The following HLA-DRB1 variants were observed in gnomAD, a reference collection of about 807,000 sequenced individuals.
HLA-DRB1 encodes the protein major histocompatibility complex, class II, DR beta 1 precursor.
A neutral mutation model predicts 27.9 loss-of-function variants in HLA-DRB1; 10 were observed. The ratio of observed to expected loss-of-function variants is 0.36; its 90% confidence interval spans 0.22 to 0.61. The LOEUF (loss-of-function observed/expected upper bound fraction) is 0.61, where lower values mean the gene tolerates loss of function less well. HLA-DRB1 is among the 20% of genes least tolerant of loss of function. The pLI is 0.73. For synonymous variants in HLA-DRB1, 57 were observed against 126.7 expected (o/e 0.45, Z 3.69); for missense variants, 118 against 306.3 (o/e 0.39, Z 4.59).
At chr6:32,582,204 T>C (rs6457603) in intron 2 of HLA-DRB1, among the ~76,000 whole-genome samples, 7,714 of 113,568 alleles carry the variant, frequency 0.068, no homozygotes, top group East Asian at 0.096. Context: ...AAGAGTTTTT[T>C]GATTCTTCTG....
Position 32,581,902 on chromosome 6 carries a change from G to GTTT in HLA-DRB1, c.371-65_371-64insAAA, listed in dbSNP as rs1310192199. 3,405 of 810,612 alleles carry GTTT rather than the reference G, an allele frequency of 4.2e-3. 2 individuals are homozygous for GTTT. Among genetic ancestry groups the GTTT allele is most frequent in the Admixed American group, 7.9e-3 (273 of 34,718 alleles). 50.2% of individuals were successfully genotyped at this position (810,612 alleles called of 1,614,324 possible). On this transcript the variant is annotated intron_variant, in intron 2 of 5. Transcript: ENST00000360004. ...ACAGAGTAAGTCTCCTGGTTTGGCTGTGTGTCTGCTTCTCTGCAAACCCAG... is the reference window on the plus strand; with the variant it reads ...ACAGAGTAAGTCTCCTGGTTTGGCTGTTTTGTGTCTGCTTCTCTGCAAACCCAG...
chr6:32,583,455 T>C (rs34241177), intron 2 of HLA-DRB1, among the ~76,000 whole-genome samples: 79 of 45,978 alleles, frequency 1.7e-3, no homozygotes, highest in Admixed American at 2.9e-3. Context: ...TTCACAGTCA[T>C]TTCTACTATG....
At chr6:32,585,251 C>A (rs1347321717) in intron 1 of HLA-DRB1, among the ~76,000 whole-genome samples, 189 of 77,768 alleles carry the variant, frequency 2.4e-3, no homozygotes, top group East Asian at 7.9e-3. Context: ...AAGAAACAGC[C>A]TGGTACATAT....
chr6:32,584,607 A>C (rs1233857998), intron 1 of HLA-DRB1, among the ~76,000 whole-genome samples: 6 of 115,382 alleles, frequency 5.2e-5, no homozygotes, highest in Admixed American at 8.7e-5. Flanking sequence ...GGCTTTTGGG[A>C]CCCCCTCCCT....
intron 1 of HLA-DRB1, among the ~76,000 whole-genome samples, chr6:32,587,154 G>A (rs34032291): frequency 3.9e-5 from 2 of 51,140 alleles, no homozygotes; most frequent in African/African-American, 7.8e-5. Context: ...AGGCCAAGGC[G>A]GGCGGATCAC....
At chr6:32,586,609 G>T (rs9270090) in intron 1 of HLA-DRB1, among the ~76,000 whole-genome samples, 13,206 of 35,088 alleles carry the variant, frequency 0.38, 4,857 homozygotes, top group Admixed American at 0.5. Flanking sequence ...CCTCTTCCAC[G>T]CCCTGGAATT....
At chr6:32,580,890 T>TTAAATGGAA (rs2150758506) in intron 3 of HLA-DRB1, 34 bp from the exon 4 acceptor site, 11 of 1,364,446 alleles carry the variant, frequency 8.1e-6, no homozygotes, top group Non-Finnish European at 1.1e-5. Context: ...TGATGTTTAT[T>TTAAATGGAA]CCAAATTGAA....
intron 2 of HLA-DRB1, among the ~76,000 whole-genome samples, chr6:32,582,449 G>A (rs9269843): frequency 3.3e-4 from 36 of 110,564 alleles, no homozygotes; most frequent in African/African-American, 5.1e-4. Flanking sequence ...ATGATTTAAA[G>A]CAATATGCAT....
intron 2 of HLA-DRB1, among the ~76,000 whole-genome samples, chr6:32,583,616 A>G (rs28724059): frequency 8.5e-4 from 51 of 59,834 alleles, no homozygotes; most frequent in South Asian, 1.7e-3. Context: ...TTCAGAGATT[A>G]CACGAAGGGT....
intron 3 of HLA-DRB1, among the ~76,000 whole-genome samples, chr6:32,581,131 T>G (rs28732304): frequency 1.4e-5 from 1 of 70,818 alleles, no homozygotes; most frequent in Non-Finnish European, 3.0e-5. Context: ...AAGTAGTTTG[T>G]CTAGAGTGAC....
At chr6:32,582,114 G>C (rs533504655) in intron 2 of HLA-DRB1, among the ~76,000 whole-genome samples, 4,359 of 87,442 alleles carry the variant, frequency 0.05, no homozygotes, top group Admixed American at 0.07. Flanking sequence ...GGAAAGTACA[G>C]AGTGTAGTAA....
intron 1 of HLA-DRB1, among the ~76,000 whole-genome samples, chr6:32,589,135 A>G: frequency 7.7e-6 from 1 of 130,494 alleles, no homozygotes; most frequent in African/African-American, 2.9e-5. Context: ...GTTCAGCAAG[A>G]AAAGAAAGGA....
intron 1 of HLA-DRB1, among the ~76,000 whole-genome samples, chr6:32,588,642 C>A (rs28724203): frequency 1.2e-3 from 72 of 59,678 alleles, no homozygotes; most frequent in Admixed American, 2.7e-3. Flanking sequence ...TAGGACAAGA[C>A]CCCAGTAAGA....
intron 1 of HLA-DRB1, among the ~76,000 whole-genome samples, chr6:32,589,209 T>C (rs1776990132): frequency 1.1e-5 from 1 of 91,636 alleles, no homozygotes; most frequent in Non-Finnish European, 2.2e-5. Context: ...CCAAAGGTCC[T>C]GTGGGGAACC....
chr6:32,586,411 TG>T (rs1776402844), intron 1 of HLA-DRB1, among the ~76,000 whole-genome samples: 2 of 95,236 alleles, frequency 2.1e-5, no homozygotes, highest in African/African-American at 4.9e-5. Flanking sequence ...TATTCTCACT[TG>T]CCCCTCCTCT....
chr6:32,580,724 C>G, intron 4 of HLA-DRB1, 22 bp downstream of exon 4: 7 of 1,193,450 alleles, frequency 5.9e-6, no homozygotes, highest in Non-Finnish European at 7.1e-6. Flanking sequence ...ATGGAGAGAG[C>G]CAGCTCCCAA....
At chr6:32,584,011 TCTCTCTCACACACA>T (rs1775950668) in intron 2 of HLA-DRB1, 84 bp downstream of exon 2, 1 of 311,464 alleles carries the variant, frequency 3.2e-6, no homozygotes, top group Non-Finnish European at 4.5e-6. Flanking sequence ...TCTCTCTGTC[TCTCTCTCACACACA>T]CACACACACA....
intron 1 of HLA-DRB1, among the ~76,000 whole-genome samples, chr6:32,586,378 AC>A (rs1449520556): frequency 1.1e-5 from 1 of 90,962 alleles, no homozygotes; most frequent in Non-Finnish European, 2.2e-5. Context: ...ACTCCACCAA[AC>A]CCAGCACTTG....
intron 2 of HLA-DRB1, among the ~76,000 whole-genome samples, chr6:32,582,952 A>C (rs41283787): frequency 7.5e-6 from 1 of 134,202 alleles, no homozygotes; most frequent in East Asian, 2.2e-4. Context: ...ATTAATAAAA[A>C]TGTTGCAATA....
Sources: gnomAD v4.1 joint callset for allele counts (sites outside exome capture counted in the v4.1 genomes callset) on GRCh38, gnomAD v4.1.1 for gene constraint, MANE v1.5 for transcripts, NCBI Gene and HGNC (gene_info 2026-07-23, HGNC 2026-07-21) for gene names.